OR10H1: variants seen among roughly 807,000 people sequenced by gnomAD.
OR10H1 encodes olfactory receptor 10H1.
A neutral mutation model predicts 13.1 loss-of-function variants in OR10H1; 12 were observed. The observed-to-expected ratio is 0.92, with a 90% CI of 0.59 to 1.48. The LOEUF (loss-of-function observed/expected upper bound fraction) is 1.48. Ranked by LOEUF, OR10H1 falls within the 40% of genes most tolerant of loss-of-function variation. OR10H1 has a pLI of 0.00. For missense variants in OR10H1, 363 were observed against 413.1 expected, an observed-to-expected ratio of 0.88 and a Z score of 1.05; for synonymous variants, 168 against 175.6, an observed-to-expected ratio of 0.96 and a Z score of 0.34.
In OR10H1 at chr19:15,812,859, A is replaced by G. The variant is rs1376333977; in HGVS notation, c.-758T>C. ...GAATGATGGGATGCAGAATGCAGCT[A>G]AAAGGGTAGTCCAGTCATTCTGGAA... is the stretch of plus-strand genomic sequence containing the variant. On this transcript the variant is annotated 5_prime_UTR_variant, in exon 2 of 4. An upstream open reading frame in the 5' UTR loses its in-frame stop. Coordinates refer to ENST00000641419, the MANE Select transcript of OR10H1 (RefSeq NM_013940.4). The G allele has an allele frequency of 1.3e-5, 2 of 152,172 alleles. No homozygotes were observed. Among genetic ancestry groups the G allele is most frequent in the East Asian group, 3.9e-4 (2 of 5,186 alleles). The allele number at this position is 152,172 out of a possible 1,614,324, so 9.4% of individuals were successfully genotyped here. A position where few individuals can be genotyped will look rare whatever the true frequency, so the allele number is the denominator to read the frequency against.
At chr19:15,813,555 GGAGA>G (rs1423125111) in intron 1 of OR10H1, among the ~76,000 whole-genome samples, 2 of 146,038 alleles carry the variant, frequency 1.4e-5, no homozygotes, top group East Asian at 4.3e-4. Context: ...AGAGAGGTGG[GGAGA>G]GAGAAAGAGA....
intron 1 of OR10H1, among the ~76,000 whole-genome samples, chr19:15,814,480 T>TGAGAGA (rs58307648): frequency 2.9e-5 from 2 of 68,026 alleles, no homozygotes; most frequent in Non-Finnish European, 5.7e-5. Context: ...TGTGTGTGTG[T>TGAGAGA]GAGAGAGAGA....
rs2088903508 is a variant in OR10H1, at chr19:15,807,300, G to A, written c.738C>T (p.Leu246=). 6.2e-7 allele frequency: 1 copy of A among 1,613,956 alleles called. No homozygotes were observed. The highest frequency in any genetic ancestry group is 1.3e-5 in the African/African-American group (1 of 74,932). Residue 246 remains leucine (L), a synonymous_variant, in exon 4 of 4, where the codon CTC becomes CTT. Coordinates refer to ENST00000641419, the MANE Select transcript of OR10H1 (RefSeq NM_013940.4). ...NKAFSTCASH[L]TVVVVHYGFA... ...AGCCATAGTGCACGACCACCACAGT[G>A]AGGTGAGAGGCACAGGTGGAGAAGG...
rs775919937 is a variant in OR10H1, at chr19:15,807,487, A to G, written c.551T>C (p.Leu184Pro). The G allele has an allele frequency of 3.7e-6, 6 of 1,614,218 alleles. No individual in the cohort carries two copies. The highest frequency in any genetic ancestry group is 4.2e-6 in the Non-Finnish European group (5 of 1,180,038). ...ATCGTCTCCACAGGCCAACTTCAACAGAGGTGGCACATGGCAAGCAAAATG... is the reference window on the plus strand; with the variant it reads ...ATCGTCTCCACAGGCCAACTTCAACGGAGGTGGCACATGGCAAGCAAAATG... ...IHHFACHVPP[L>P]LKLACGDDVL... Residue 184 changes from leucine to proline, a missense_variant, in exon 4 of 4, where the codon CTG becomes CCG. Physicochemically the swap from Leu to Pro is moderately conservative, Grantham distance 98. Coordinates refer to ENST00000641419, the MANE Select transcript of OR10H1 (RefSeq NM_013940.4).
chr19:15,813,231 A>T (rs2088944446), intron 1 of OR10H1, among the ~76,000 whole-genome samples: 1 of 152,170 alleles, frequency 6.6e-6, no homozygotes, highest in Admixed American at 6.6e-5. Flanking sequence ...TCTCTGCAGT[A>T]TCTATCTGCT....
rs2088941177 is a variant in OR10H1, at chr19:15,812,724, GGGAGGGAGGAAT to G, written c.-635_-624del. The G allele has an allele frequency of 6.7e-6, 1 of 149,040 alleles. No individual in the cohort carries two copies. Among genetic ancestry groups the G allele is most frequent in the African/African-American group, 2.5e-5 (1 of 40,698 alleles). 9.2% of individuals were successfully genotyped at this position (149,040 alleles called of 1,614,324 possible). ...AGGAGAGTGAGATAGGAAGAAACGA[GGGAGGGAGGAAT>G]GGAGGGAGGAAGGAAGGGAGGGAGG... On this transcript the variant is annotated 5_prime_UTR_variant, in exon 2 of 4. Coordinates refer to ENST00000641419, the MANE Select transcript of OR10H1 (RefSeq NM_013940.4).
At chr19:15,810,662 G>A (rs1208570274) in intron 2 of OR10H1, among the ~76,000 whole-genome samples, 1 of 152,042 alleles carries the variant, frequency 6.6e-6, no homozygotes, top group Non-Finnish European at 1.5e-5. Context: ...GGGCTGGGGT[G>A]AGGGGAGAAT....
intron 2 of OR10H1, among the ~76,000 whole-genome samples, chr19:15,810,696 G>T (rs1483597380): frequency 6.6e-6 from 1 of 151,948 alleles, no homozygotes; most frequent in East Asian, 1.9e-4. Context: ...TAATAGATAC[G>T]GTGTTTCCTT....
chr19:15,814,600 C>T (rs1419318017), intron 1 of OR10H1, among the ~76,000 whole-genome samples: 1 of 151,808 alleles, frequency 6.6e-6, no homozygotes, highest in East Asian at 2.0e-4. Flanking sequence ...GCAGCCTTAA[C>T]TTCCTGGGCT....
rs1196003521 is a variant in OR10H1 at position 15,807,088 on chromosome 19, A to T, written c.950T>A (p.Met317Lys). ...FSKLYPEKNV[M>K]M ...GTTCCCAGTGAATTTCTCCTACATC[A>T]TTACATTTTTTTCTGGGTAGAGTTT... Residue 317 changes from methionine (M) to lysine (K), a missense_variant, in exon 4 of 4, where the codon ATG (methionine) becomes AAG (lysine). Met to Lys is a moderately conservative substitution (Grantham distance 95, BLOSUM62 -1). This residue lies in a region of OR10H1 where 42 missense variants were observed against 30.3 expected (regional missense o/e 1.39). Transcript: ENST00000641419. 6.2e-7 allele frequency: 1 copy of T among 1,609,746 alleles called. No homozygotes were observed. The highest frequency in any genetic ancestry group is 8.5e-7 in the Non-Finnish European group (1 of 1,178,376).
rs118011313 is a variant in OR10H1, at chr19:15,813,321, G to A, written c.-777-443C>T. On this transcript the variant is annotated intron_variant, in intron 1 of 3. Transcript: ENST00000641419. ...AGTAAAACAAAACCAAACCCATGGTGGATGTGGGACTAGGATAGCAGCGAG... is the reference window on the plus strand; with the variant it reads ...AGTAAAACAAAACCAAACCCATGGTAGATGTGGGACTAGGATAGCAGCGAG... Among the ~76,000 whole-genome samples the A allele has an allele frequency of 8.5e-5, 13 of 152,302 alleles. No homozygotes were observed. The East Asian group carries it at 2.3e-3, about 27-fold the overall frequency.
At position 15,806,763 on chromosome 19, in the gene OR10H1, T is replaced by A; in HGVS notation, c.*318A>T. On this transcript the variant is annotated 3_prime_UTR_variant, in exon 4 of 4. Transcript: ENST00000641419. ...TTTCTTCTTTGAGACAGTCTCACTCTGTCGCCCAGGCTGGAGTGCAGTGGT... is the reference window on the plus strand; with the variant it reads ...TTTCTTCTTTGAGACAGTCTCACTCAGTCGCCCAGGCTGGAGTGCAGTGGT... 1 of 262,442 alleles carries A rather than the reference T, an allele frequency of 3.8e-6. No individual in the cohort carries two copies. The highest frequency in any genetic ancestry group is 9.1e-5 in the East Asian group (1 of 11,046). The allele number at this position is 262,442 out of a possible 1,614,324, so 16.3% of individuals were successfully genotyped here.
chr19:15,809,860 T>C (rs886916599), intron 2 of OR10H1, among the ~76,000 whole-genome samples: 2 of 152,088 alleles, frequency 1.3e-5, no homozygotes, highest in African/African-American at 4.8e-5. Context: ...TCACCCAGGC[T>C]GGAGTGCAGT....
intron 1 of OR10H1, among the ~76,000 whole-genome samples, chr19:15,814,106 A>AG (rs200407506): frequency 0.01 from 1,594 of 152,174 alleles, 19 homozygotes; most frequent in African/African-American, 0.036. Flanking sequence ...ATTCTCTCTC[A>AG]GAGGGGTGTC....
At chr19:15,815,340 CAAA>C (rs10648172) in intron 1 of OR10H1, among the ~76,000 whole-genome samples, 112 of 115,838 alleles carry the variant, frequency 9.7e-4, no homozygotes, top group African/African-American at 3.7e-3. Context: ...GATTCCGTCT[CAAA>C]AAAAAAAAAA....
At position 15,812,015 on chromosome 19, in the gene OR10H1, G is replaced by A. The variant is rs148810165; in HGVS notation, c.-129+215C>T. Among the ~76,000 whole-genome samples the A allele has an allele frequency of 8.5e-5, 13 of 152,234 alleles. No homozygotes were observed. The East Asian group carries it at 2.5e-3, about 29-fold the overall frequency. On this transcript the variant is annotated intron_variant, in intron 2 of 3. Coordinates refer to ENST00000641419, the MANE Select transcript of OR10H1 (RefSeq NM_013940.4). ...TTACTGGATATGTCCTACAGACCAG[G>A]CACTGCACTCACATCACTCATGCTA...
chr19:15,811,560 C>T (rs1011750213), intron 2 of OR10H1, among the ~76,000 whole-genome samples: 3 of 152,082 alleles, frequency 2.0e-5, no homozygotes, highest in Non-Finnish European at 4.4e-5. Flanking sequence ...AGTTGAGAAC[C>T]GCTGATCCAG....
intron 1 of OR10H1, among the ~76,000 whole-genome samples, chr19:15,814,215 C>A (rs895053879): frequency 6.6e-6 from 1 of 152,100 alleles, no homozygotes; most frequent in East Asian, 1.9e-4. Flanking sequence ...TGTCCTTATA[C>A]GTTGTCACGT....
Position 15,808,808 on chromosome 19 carries a change from C to T in OR10H1, c.-95G>A, listed in dbSNP as rs2088917817. ...GAGGTTGCAGTAAGCCGAGATGGCGCCACTGGACTCCACCCTGGCGACAGA... is the reference window on the plus strand; with the variant it reads ...GAGGTTGCAGTAAGCCGAGATGGCGTCACTGGACTCCACCCTGGCGACAGA... On this transcript the variant is annotated 5_prime_UTR_variant, in exon 3 of 4. Transcript: ENST00000641419. The T allele has an allele frequency of 6.6e-6, 1 of 151,966 alleles. No individual in the cohort carries two copies. The highest frequency in any genetic ancestry group is 1.5e-5 in the Non-Finnish European group (1 of 68,004). 9.4% of individuals were successfully genotyped at this position (151,966 alleles called of 1,614,324 possible).
Sources: allele counts gnomAD v4.1 joint callset (sites outside exome capture counted in the v4.1 genomes callset), GRCh38; gene constraint gnomAD v4.1.1; regional missense constraint gnomAD v4.1.1; transcripts MANE v1.5; gene names NCBI Gene and HGNC (gene_info 2026-07-23, HGNC 2026-07-21).